Variants in BIRC6 observed in about 807,000 individuals in gnomAD.
The protein encoded by BIRC6 is dual E2 ubiquitin-conjugating enzyme/E3 ubiquitin-protein ligase BIRC6.
A neutral mutation model predicts 503.3 loss-of-function variants in BIRC6; 98 were observed. The ratio of observed to expected loss-of-function variants is 0.19; its 90% CI spans 0.17 to 0.23. The LOEUF is 0.23. Among genes scored for constraint, BIRC6 ranks in the 10% least tolerant of loss-of-function variants. The pLI is 1.00. For synonymous variants in BIRC6, 2,240 were observed against 2,078.7 expected, an observed-to-expected ratio of 1.08 and a Z score of -2.11; for missense variants, 5,360 against 5,806.0, an observed-to-expected ratio of 0.92 and a Z score of 2.50.
rs1572822776 is a variant in BIRC6, at chr2:32,527,394, A to G, written c.11920+1766A>G. ...CTTTCCCTCAGATGTGACTTCATTA[A>G]TTCAGCCATGTGACCAGGGTATCTT... On this transcript the variant is annotated intron_variant, in intron 59 of 73. Transcript: ENST00000421745. 2.0e-5 allele frequency: 3 copies of G among 152,362 alleles called. No homozygotes were observed. The South Asian group carries it at 6.2e-4, about 32-fold the overall frequency. 9.4% of individuals were successfully genotyped at this position (152,362 alleles called of 1,614,324 possible). A position where few individuals can be genotyped will look rare whatever the true frequency, so the allele number is the denominator to read the frequency against.
At chr2:32,386,986 C>T (rs1388147597) in intron 3 of BIRC6, among the ~76,000 whole-genome samples, 1 of 152,168 alleles carries the variant, frequency 6.6e-6, no homozygotes, top group East Asian at 1.9e-4. Context: ...CCATAGAACT[C>T]TCTGAGACAG....
intron 66 of BIRC6, among the ~76,000 whole-genome samples, chr2:32,577,299 G>A (rs1364347907): frequency 6.6e-6 from 1 of 151,972 alleles, no homozygotes; most frequent in East Asian, 1.9e-4. Flanking sequence ...CTGTATTTCT[G>A]TACCTTACAT....
chr2:32,381,389 G>A (rs1003866305), intron 3 of BIRC6, among the ~76,000 whole-genome samples: 12 of 152,008 alleles, frequency 7.9e-5, no homozygotes, highest in African/African-American at 2.2e-4. Context: ...ACAGGCGTGC[G>A]CCACCACGCC....
Position 32,504,992 on chromosome 2 carries a change from A to G in BIRC6, c.9500-13A>G, listed in dbSNP as rs780646158. ...TGCAAGTTCTTATAATTTATGTAAA[A>G]TATCTTCTCTAGGTACAATCACATC... is the stretch of plus-strand genomic sequence containing the variant. On this transcript the variant is annotated splice_polypyrimidine_tract_variant and intron_variant, in intron 49 of 73. Coordinates refer to ENST00000421745, the MANE Select transcript of BIRC6 (RefSeq NM_016252.4). 1.2e-6 allele frequency: 2 copies of G among 1,602,708 alleles called. No individual in the cohort carries two copies. Among genetic ancestry groups the G allele is most frequent in the Non-Finnish European group, 1.7e-6 (2 of 1,172,302 alleles).
chr2:32,489,144 A>T (rs143131851), intron 42 of BIRC6, among the ~76,000 whole-genome samples: 1 of 151,966 alleles, frequency 6.6e-6, no homozygotes, highest in Non-Finnish European at 1.5e-5. Context: ...AAATATGAGT[A>T]TGGGAATGGT....
At chr2:32,568,107 G>A (rs767117961) in intron 65 of BIRC6, among the ~76,000 whole-genome samples, 26 of 151,542 alleles carry the variant, frequency 1.7e-4, no homozygotes, top group East Asian at 5.8e-4. Context: ...GCGAGACTCC[G>A]TCTCAAAAAA....
intron 3 of BIRC6, among the ~76,000 whole-genome samples, chr2:32,385,539 T>C (rs2038307477): frequency 6.6e-6 from 1 of 152,158 alleles, no homozygotes; most frequent in Admixed American, 6.5e-5. Context: ...AAAAGGAGAA[T>C]GGTTATTTGC....
At chr2:32,419,482 A>T (rs532317646) in intron 10 of BIRC6, among the ~76,000 whole-genome samples, 2 of 152,296 alleles carry the variant, frequency 1.3e-5, no homozygotes, top group South Asian at 4.1e-4. Context: ...AATTTCAAAA[A>T]TTGAGAGTTT....
intron 10 of BIRC6, among the ~76,000 whole-genome samples, chr2:32,423,515 C>T (rs977966912): frequency 1.3e-5 from 2 of 152,136 alleles, no homozygotes; most frequent in African/African-American, 4.8e-5. Context: ...TATGACTTTG[C>T]TTATTGTAGA....
chr2:32,494,442 G>T lies in BIRC6; in HGVS notation c.8468+775G>T, dbSNP rs1233833155. ...GGGGTTTCACTATGTTGGCCAGGGT[G>T]GTCTCGATCTCCTGACCTCGTGATC... is the stretch of plus-strand genomic sequence containing the variant. On this transcript the variant is annotated intron_variant, in intron 45 of 73. Transcript: ENST00000421745. Among the ~76,000 whole-genome samples the T allele has an allele frequency of 3.3e-5, 5 of 151,460 alleles. No individual in the cohort carries two copies. In the East Asian group the frequency reaches 9.8e-4, roughly 30 times the overall value.
chr2:32,406,377 T>C, intron 8 of BIRC6, 122 bp from the exon 9 acceptor site: 2 of 667,458 alleles, frequency 3.0e-6, no homozygotes, highest in East Asian at 2.8e-5. Flanking sequence ...CCAGCCTGGA[T>C]GACAGACTGA....
At chr2:32,514,302 G>A (rs902911664) in intron 54 of BIRC6, among the ~76,000 whole-genome samples, 3 of 152,148 alleles carry the variant, frequency 2.0e-5, no homozygotes, top group Non-Finnish European at 2.9e-5. Flanking sequence ...TGCAGCCAGG[G>A]CAACAGAGCA....
chr2:32,471,601 A>C (rs909143621), intron 32 of BIRC6, among the ~76,000 whole-genome samples: 3 of 152,198 alleles, frequency 2.0e-5, no homozygotes, highest in African/African-American at 7.2e-5. Flanking sequence ...AGCACAGAAA[A>C]ATTTAAAAAT....
At chr2:32,465,856 T>G (rs1420192685) in intron 26 of BIRC6, among the ~76,000 whole-genome samples, 1 of 152,170 alleles carries the variant, frequency 6.6e-6, no homozygotes, top group African/African-American at 2.4e-5. Context: ...GCAATGTGGT[T>G]GTTTCCTCTT....
At chr2:32,594,190 T>G in intron 67 of BIRC6, 130 bp downstream of exon 67, 1 of 1,038,768 alleles carries the variant, frequency 9.6e-7, no homozygotes, top group Non-Finnish European at 1.4e-6. Flanking sequence ...CTAAAAATTT[T>G]GTTCTCTGTT....
intron 3 of BIRC6, among the ~76,000 whole-genome samples, chr2:32,383,788 T>C (rs1230154514): frequency 6.6e-6 from 1 of 152,220 alleles, no homozygotes; most frequent in Non-Finnish European, 1.5e-5. Context: ...CGTCTTGGCC[T>C]CCCAAAGTGC....
At chr2:32,390,135 C>T (rs537299711) in intron 4 of BIRC6, among the ~76,000 whole-genome samples, 29 of 152,008 alleles carry the variant, frequency 1.9e-4, no homozygotes, top group Middle Eastern at 3.4e-3. Context: ...GCTGGGATTA[C>T]AGGCATGAGC....
chr2:32,500,658 T>A (rs181131621), intron 46 of BIRC6, among the ~76,000 whole-genome samples: 271 of 144,858 alleles, frequency 1.9e-3, no homozygotes, highest in Non-Finnish European at 3.1e-3. Context: ...CAGGCTGAAG[T>A]GCAATGGTGT....
chr2:32,557,102 A>C (rs1407836635), intron 65 of BIRC6, among the ~76,000 whole-genome samples: 2 of 152,208 alleles, frequency 1.3e-5, no homozygotes, highest in Non-Finnish European at 1.5e-5. Flanking sequence ...TTATTTTTCT[A>C]TGTGGCCTTA....
Sources: gnomAD v4.1 joint callset for allele counts (sites outside exome capture counted in the v4.1 genomes callset) on GRCh38, gnomAD v4.1.1 for gene constraint, MANE v1.5 for transcripts, NCBI Gene and HGNC (gene_info 2026-07-23, HGNC 2026-07-21) for gene names.